ALK: variants seen among roughly 807,000 people sequenced by gnomAD.
The protein encoded by ALK is ALK receptor tyrosine kinase.
A neutral mutation model predicts 163.1 loss-of-function variants in ALK; 74 were observed. The observed-to-expected ratio is 0.45, with a 90% CI of 0.38 to 0.55. The LOEUF (loss-of-function observed/expected upper bound fraction) is 0.55, where lower values mean the gene tolerates loss of function less well. ALK is among the 20% of genes least tolerant of loss of function. The pLI, the probability that ALK is intolerant of heterozygous loss-of-function variation, is 0.00. For synonymous variants in ALK, 960 were observed against 843.2 expected (o/e 1.14, Z -2.40); for missense variants, 2,063 against 2,105.3 (o/e 0.98, Z 0.39).
chr2:29,643,159 A>G (rs1377657209), intron 3 of ALK, among the ~76,000 whole-genome samples: 1 of 152,122 alleles, frequency 6.6e-6, no homozygotes, highest in Non-Finnish European at 1.5e-5. Flanking sequence ...AAAAATAATA[A>G]TGGTTTCTTG....
intron 26 of ALK, among the ~76,000 whole-genome samples, chr2:29,201,895 C>T (rs1184534202): frequency 6.6e-6 from 1 of 152,102 alleles, no homozygotes; most frequent in East Asian, 1.9e-4. Flanking sequence ...ATTTTCTTAA[C>T]TGGTTTCTTT....
intron 1 of ALK, among the ~76,000 whole-genome samples, chr2:29,835,269 T>C (rs1043743196): frequency 2.6e-5 from 4 of 152,172 alleles, no homozygotes; most frequent in Non-Finnish European, 4.4e-5. Context: ...TCAGTGGCCA[T>C]ATTATAGGGA....
chr2:29,251,363 C>T, intron 11 of ALK, 96 bp from the exon 12 acceptor site: 1 of 1,262,604 alleles, frequency 7.9e-7, no homozygotes, highest in Admixed American at 2.0e-5. Flanking sequence ...GCTCCATGGC[C>T]CCAAACCCTC....
rs1389667437 is a variant in ALK, at chr2:29,894,021, A to C, written c.667+25972T>G. 5.3e-5 allele frequency among the ~76,000 whole-genome samples: 8 copies of C among 152,208 alleles called. No individual in the cohort carries two copies. The East Asian group carries it at 1.5e-3, about 29-fold the overall frequency. On this transcript the variant is annotated intron_variant, in intron 1 of 28. Transcript: ENST00000389048. ...ACCCAATATAAGCATGTAACTGGTGATACGAATGAAGAAATGGAAAACTAG... is the reference window on the plus strand; with the variant it reads ...ACCCAATATAAGCATGTAACTGGTGCTACGAATGAAGAAATGGAAAACTAG...
chr2:29,906,684 C>T (rs1667556009), intron 1 of ALK, among the ~76,000 whole-genome samples: 1 of 152,168 alleles, frequency 6.6e-6, no homozygotes, highest in Non-Finnish European at 1.5e-5. Flanking sequence ...GTTATCTGAC[C>T]TCTCTGAGCA....
At chr2:29,431,127 A>C (rs1161971166) in intron 4 of ALK, among the ~76,000 whole-genome samples, 1 of 152,154 alleles carries the variant, frequency 6.6e-6, no homozygotes, top group African/African-American at 2.4e-5. Context: ...GCTACAAAGG[A>C]CAACAGTAAG....
rs2148258388 is a variant in ALK, at chr2:29,328,451, T to A, written c.1313A>T (p.Gln438Leu). The change falls in exon 6 of 29, where the codon CAG becomes CTG. Residue 438 changes from glutamine (Q) to leucine (L), a missense_variant. By Grantham distance (113) the Gln-to-Leu change is moderately radical. Coordinates refer to ENST00000389048, the MANE Select transcript of ALK (RefSeq NM_004304.5). ...GTSPGSKMALQSSFTCWNGTV... is the reference protein window; with the variant it reads ...GTSPGSKMALLSSFTCWNGTV... ...CCCATTCCAACAAGTGAAGGAGCTC[T>A]GCAGGGCCATCTTGGAGCCTGGGGA... The A allele has an allele frequency of 1.2e-6, 2 of 1,614,204 alleles. No individual in the cohort carries two copies. Among genetic ancestry groups the A allele is most frequent in the Non-Finnish European group, 1.7e-6 (2 of 1,180,014 alleles).
chr2:29,880,437 T>C (rs2148417948), intron 1 of ALK, among the ~76,000 whole-genome samples: 1 of 152,218 alleles, frequency 6.6e-6, no homozygotes, highest in South Asian at 2.1e-4. Context: ...TTTTAAATGT[T>C]GGGGGGTCAC....
intron 1 of ALK, among the ~76,000 whole-genome samples, chr2:29,831,514 C>G (rs1326006999): frequency 6.6e-6 from 1 of 152,092 alleles, no homozygotes; most frequent in Non-Finnish European, 1.5e-5. Flanking sequence ...CCTGTTTTTA[C>G]TGTGTGTGCT....
Position 29,830,936 on chromosome 2 carries a change from GAAGAAGAA to G in ALK, c.667+89049_667+89056del, listed in dbSNP as rs1376058155. Among the ~76,000 whole-genome samples the G allele has an allele frequency of 9.0e-3, 732 of 81,388 alleles. 10 individuals carry two copies. Among genetic ancestry groups the G allele is most frequent in the African/African-American group, 0.032 (688 of 21,280 alleles). The allele number at this position is 81,388 out of a possible 152,430, so 53.4% of individuals were successfully genotyped here. On this transcript the variant is annotated intron_variant, in intron 1 of 28. Coordinates refer to ENST00000389048, the MANE Select transcript of ALK (RefSeq NM_004304.5). ...ATGAAGAAGAAGAAAAGAAGAAGAA[GAAGAAGAA>G]AAGAAGAAGAAAAGAAGAAGAAGAA...
Position 29,296,960 on chromosome 2 carries a change from C to T in ALK, c.1745G>A (p.Trp582Ter). The part of the protein sequence containing the change: ...KTGKEQGRMV[W>*]HVAAYEGLSL... ...CAAGCCTTCATAGGCGGCGACATGC[C>T]AGACCATCCTGCCTTGCTCCTTCCC... Residue 582 changes from tryptophan to a stop codon, truncating the protein, a stop_gained, in exon 9 of 29, where the codon TGG becomes TAG. Coordinates refer to ENST00000389048, the MANE Select transcript of ALK (RefSeq NM_004304.5). LOFTEE classifies it high-confidence loss of function. 6.2e-7 allele frequency: 1 copy of T among 1,614,190 alleles called. No homozygotes were observed. Among genetic ancestry groups the T allele is most frequent in the Non-Finnish European group, 8.5e-7 (1 of 1,180,032 alleles).
intron 1 of ALK, among the ~76,000 whole-genome samples, chr2:29,881,003 C>A (rs1254842003): frequency 1.3e-5 from 2 of 152,210 alleles, no homozygotes; most frequent in Non-Finnish European, 2.9e-5. Flanking sequence ...GACAGTTCAA[C>A]TAAGGGGCCT....
intron 11 of ALK, among the ~76,000 whole-genome samples, chr2:29,252,839 T>A (rs1209597100): frequency 3.3e-5 from 5 of 152,062 alleles, no homozygotes; most frequent in East Asian, 1.9e-4. Context: ...TTATTTATTT[T>A]TTTTTAGACA....
chr2:29,522,806 A>G (rs967157597), intron 4 of ALK, among the ~76,000 whole-genome samples: 1 of 152,122 alleles, frequency 6.6e-6, no homozygotes, highest in Admixed American at 6.5e-5. Context: ...ACTGAAACCC[A>G]CTTGTGCTGG....
intron 1 of ALK, among the ~76,000 whole-genome samples, chr2:29,846,816 T>C (rs1262968112): frequency 6.6e-6 from 1 of 152,226 alleles, no homozygotes; most frequent in East Asian, 1.9e-4. Flanking sequence ...CATACATCTT[T>C]TGATGCTCAC....
chr2:29,862,050 A>G (rs1241318363), intron 1 of ALK, among the ~76,000 whole-genome samples: 1 of 152,216 alleles, frequency 6.6e-6, no homozygotes, highest in African/African-American at 2.4e-5. Context: ...CAATAAATGC[A>G]AAATCCACAA....
intron 4 of ALK, among the ~76,000 whole-genome samples, chr2:29,402,583 T>G (rs1485977719): frequency 6.6e-6 from 1 of 152,232 alleles, no homozygotes; most frequent in Non-Finnish European, 1.5e-5. Flanking sequence ...TAGGTTTCTA[T>G]TTTTTGGTTT....
At chr2:29,562,509 C>G (rs556301929) in intron 3 of ALK, among the ~76,000 whole-genome samples, 1 of 152,260 alleles carries the variant, frequency 6.6e-6, no homozygotes, top group African/African-American at 2.4e-5. Flanking sequence ...CAGATGGTGT[C>G]TGCCCAGGGC....
At chr2:29,880,120 A>G (rs912053208) in intron 1 of ALK, among the ~76,000 whole-genome samples, 1 of 152,184 alleles carries the variant, frequency 6.6e-6, no homozygotes, top group Non-Finnish European at 1.5e-5. Context: ...CTGCAGACCC[A>G]TCCTTGGAGA....
Sources: allele counts gnomAD v4.1 joint callset (sites outside exome capture counted in the v4.1 genomes callset), GRCh38; gene constraint gnomAD v4.1.1; transcripts MANE v1.5; gene names NCBI Gene and HGNC (gene_info 2026-07-23, HGNC 2026-07-21).